The following MYO5A variants were observed in gnomAD, a reference collection of about 807,000 sequenced individuals.
MYO5A encodes the protein unconventional myosin-Va.
MYO5A carries 98 observed loss-of-function variants against 249.7 expected under a neutral mutation model. The observed-to-expected ratio is 0.39, with a 90% CI of 0.33 to 0.46. The LOEUF (loss-of-function observed/expected upper bound fraction) is 0.46. MYO5A is among the 20% of genes least tolerant of loss of function. The probability of loss-of-function intolerance (pLI) is 0.98; values close to 1 mark genes in which losing one functional copy is unlikely to be tolerated. For missense variants in MYO5A, 1,696 were observed against 2,308.8 expected, an observed-to-expected ratio of 0.73 and a Z score of 5.44; for synonymous variants, 778 against 810.6, an observed-to-expected ratio of 0.96 and a Z score of 0.68.
At chr15:52,350,068 G>T (rs2039865258) in intron 28 of MYO5A, among the ~76,000 whole-genome samples, 1 of 152,218 alleles carries the variant, frequency 6.6e-6, no homozygotes, top group Non-Finnish European at 1.5e-5. Flanking sequence ...AAGTAGCTGG[G>T]ACTACAGGCG....
intron 9 of MYO5A, among the ~76,000 whole-genome samples, chr15:52,398,011 G>A (rs2141188184): frequency 6.6e-6 from 1 of 152,320 alleles, no homozygotes; most frequent in East Asian, 1.9e-4. Context: ...TGGGTGAAAG[G>A]AGGAGAAAAG....
intron 14 of MYO5A, among the ~76,000 whole-genome samples, chr15:52,387,518 C>T (rs1275378408): frequency 6.6e-6 from 1 of 152,140 alleles, no homozygotes; most frequent in Non-Finnish European, 1.5e-5. Flanking sequence ...AGAAACATTG[C>T]ACAGGAGTTA....
At chr15:52,447,987 T>G (rs1724590) in intron 1 of MYO5A, among the ~76,000 whole-genome samples, 119,914 of 152,218 alleles carry the variant, frequency 0.79, 47,670 homozygotes, top group South Asian at 0.85. Flanking sequence ...AGTAGGGCAA[T>G]GTAGGAGGGA....
In MYO5A at chr15:52,379,930, G is replaced by A. The variant is rs750141312; in HGVS notation, c.2013-22C>T. The A allele has an allele frequency of 3.7e-6, 6 of 1,613,256 alleles. No homozygotes were observed. In the Admixed American group the frequency reaches 1.0e-4, roughly 27 times the overall value. On this transcript the variant is annotated intron_variant, in intron 16 of 41. Coordinates refer to ENST00000399233, the MANE Select transcript of MYO5A (RefSeq NM_001382347.1). ...AAACCTACAAATAAAAATCAAAGCT[G>A]TTAGTCCACAAAGAACCTGGCTGGT... is the stretch of plus-strand genomic sequence containing the variant.
chr15:52,439,215 G>C (rs944668572), intron 1 of MYO5A, among the ~76,000 whole-genome samples: 1 of 152,206 alleles, frequency 6.6e-6, no homozygotes, highest in Non-Finnish European at 1.5e-5. Context: ...CGCCATTTTG[G>C]AAGTGGCCTG....
At chr15:52,349,311 G>A (rs565062299) in intron 28 of MYO5A, among the ~76,000 whole-genome samples, 2 of 152,286 alleles carry the variant, frequency 1.3e-5, no homozygotes, top group East Asian at 3.9e-4. Context: ...CCACTGCCCT[G>A]CAATGGAGTG....
rs5812610 is a variant in MYO5A, at chr15:52,488,206, T to TA, written c.27+40573dup. On this transcript the variant is annotated intron_variant, in intron 1 of 41. Coordinates refer to ENST00000399233, the MANE Select transcript of MYO5A (RefSeq NM_001382347.1). The stretch of plus-strand genomic sequence containing the variant: ...CAGGACTCAAAAGACAGAGAAGGAT[T>TA]AAAAAAAAAAAAAGACAGAGAAGCT... Among the ~76,000 whole-genome samples, 96 of 148,272 alleles carry TA rather than the reference T, an allele frequency of 6.5e-4. 1 individual carries two copies. The highest frequency in any genetic ancestry group is 2.0e-3 in the African/African-American group (79 of 40,204).
chr15:52,500,961 C>T (rs919334662), intron 1 of MYO5A, among the ~76,000 whole-genome samples: 2 of 151,676 alleles, frequency 1.3e-5, no homozygotes, highest in African/African-American at 4.8e-5. Context: ...TGTGTGTATA[C>T]ACAAAATCAG....
At chr15:52,432,010 T>C (rs1315069401) in intron 2 of MYO5A, among the ~76,000 whole-genome samples, 1 of 151,930 alleles carries the variant, frequency 6.6e-6, no homozygotes, top group East Asian at 1.9e-4. Flanking sequence ...GGACCCAATC[T>C]AAGAGAGATC....
At chr15:52,520,067 G>C (rs1330840558) in intron 1 of MYO5A, among the ~76,000 whole-genome samples, 1 of 152,098 alleles carries the variant, frequency 6.6e-6, no homozygotes, top group African/African-American at 2.4e-5. Context: ...TTCTCTAGGG[G>C]AAAGATACCT....
chr15:52,331,212 T>C (rs1000488712), intron 34 of MYO5A, among the ~76,000 whole-genome samples: 26 of 151,402 alleles, frequency 1.7e-4, no homozygotes, highest in African/African-American at 6.4e-4. Context: ...CTTTTTAATA[T>C]AATGTTAAAA....
intron 1 of MYO5A, among the ~76,000 whole-genome samples, chr15:52,447,565 G>C (rs530249892): frequency 1.3e-5 from 2 of 152,298 alleles, no homozygotes; most frequent in South Asian, 4.1e-4. Flanking sequence ...CTGGGTAATG[G>C]GCAGAGGTTC....
intron 16 of MYO5A, among the ~76,000 whole-genome samples, chr15:52,382,399 C>T (rs2041791762): frequency 6.6e-6 from 1 of 152,034 alleles, no homozygotes; most frequent in Non-Finnish European, 1.5e-5. Context: ...TGATGAAACC[C>T]TGTCTCTACT....
intron 1 of MYO5A, among the ~76,000 whole-genome samples, chr15:52,522,513 C>T (rs367655862): frequency 6.6e-6 from 1 of 152,104 alleles, no homozygotes; most frequent in Admixed American, 6.6e-5. Flanking sequence ...TGTCTATGGC[C>T]AGACCTTACT....
intron 1 of MYO5A, among the ~76,000 whole-genome samples, chr15:52,520,213 A>G (rs562904424): frequency 6.6e-6 from 1 of 152,252 alleles, no homozygotes; most frequent in East Asian, 1.9e-4. Context: ...TATTTTGACT[A>G]CCTAGCACTT....
chr15:52,345,441 C>T (rs1362643255), intron 30 of MYO5A, among the ~76,000 whole-genome samples: 3 of 151,768 alleles, frequency 2.0e-5, no homozygotes, highest in East Asian at 1.9e-4. Context: ...AAAAATTAGT[C>T]GGGTGTGGTG....
intron 4 of MYO5A, among the ~76,000 whole-genome samples, chr15:52,416,954 T>C (rs2043527647): frequency 6.6e-6 from 1 of 152,232 alleles, no homozygotes; most frequent in African/African-American, 2.4e-5. Context: ...CATTCTTTAA[T>C]TTCTTTTAAT....
chr15:52,451,496 C>A (rs1409130344), intron 1 of MYO5A, among the ~76,000 whole-genome samples: 1 of 152,160 alleles, frequency 6.6e-6, no homozygotes, highest in Non-Finnish European at 1.5e-5. Context: ...CCTTTAATAA[C>A]TTTGGCTAAA....
chr15:52,473,209 T>C (rs1309878521), intron 1 of MYO5A, among the ~76,000 whole-genome samples: 3 of 152,376 alleles, frequency 2.0e-5, no homozygotes, highest in Admixed American at 1.3e-4. Context: ...GAAGTGTCTG[T>C]TCATATCCTT....
Sources: gnomAD v4.1 joint callset for allele counts (sites outside exome capture counted in the v4.1 genomes callset) on GRCh38, gnomAD v4.1.1 for gene constraint, MANE v1.5 for transcripts, NCBI Gene and HGNC (gene_info 2026-07-23, HGNC 2026-07-21) for gene names.